CACNA2D1: variants seen among roughly 807,000 people sequenced by gnomAD.
CACNA2D1 encodes voltage-dependent calcium channel subunit alpha-2/delta-1.
CACNA2D1 carries 53 observed loss-of-function variants against 171.5 expected under a neutral mutation model. The observed-to-expected ratio is 0.31, with a 90% CI of 0.25 to 0.39. The LOEUF (loss-of-function observed/expected upper bound fraction) is 0.39. Ranked by LOEUF, CACNA2D1 falls within the 10% of genes least tolerant of loss-of-function variation. CACNA2D1 has a pLI of 1.00. For missense variants in CACNA2D1, 903 were observed against 1,299.8 expected, an observed-to-expected ratio of 0.69 and a Z score of 4.69; for synonymous variants, 442 against 443.1, an observed-to-expected ratio of 1.00 and a Z score of 0.03.
chr7:82,424,681 ATTC>A (rs1308662734), intron 1 of CACNA2D1, among the ~76,000 whole-genome samples: 3 of 152,236 alleles, frequency 2.0e-5, no homozygotes, highest in South Asian at 4.1e-4. Flanking sequence ...AGCAAAGAGA[ATTC>A]TTCTTTGCAG....
intron 3 of CACNA2D1, among the ~76,000 whole-genome samples, chr7:82,184,859 C>T (rs2129175329): frequency 6.6e-6 from 1 of 152,290 alleles, no homozygotes; most frequent in South Asian, 2.1e-4. Flanking sequence ...TATATTTTCA[C>T]TACTTACTCT....
chr7:82,438,717 G>T (rs1282635858), intron 1 of CACNA2D1, among the ~76,000 whole-genome samples: 1 of 152,180 alleles, frequency 6.6e-6, no homozygotes, highest in Non-Finnish European at 1.5e-5. Context: ...GGTTGACACA[G>T]TTAGTGACAC....
intron 30 of CACNA2D1, 59 bp from the exon 31 acceptor site, chr7:81,967,266 ATTAC>A: frequency 7.9e-7 from 1 of 1,265,082 alleles, no homozygotes; most frequent in Non-Finnish European, 1.2e-6. Context: ...TAATTATATT[ATTAC>A]CATGTTATAA....
intron 5 of CACNA2D1, among the ~76,000 whole-genome samples, chr7:82,135,259 T>C (rs1283755432): frequency 6.6e-6 from 1 of 152,094 alleles, no homozygotes; most frequent in African/African-American, 2.4e-5. Flanking sequence ...AGATTTTGTA[T>C]ATATTTTTAA....
At chr7:82,428,467 A>G (rs1390522296) in intron 1 of CACNA2D1, among the ~76,000 whole-genome samples, 1 of 152,112 alleles carries the variant, frequency 6.6e-6, no homozygotes, top group Non-Finnish European at 1.5e-5. Context: ...CATTCCAGAG[A>G]TTTTCCCCTA....
At chr7:82,012,496 A>G (rs1010940426) in intron 14 of CACNA2D1, among the ~76,000 whole-genome samples, 2 of 152,148 alleles carry the variant, frequency 1.3e-5, no homozygotes, top group African/African-American at 4.8e-5. Context: ...AGTAACAATC[A>G]GAGCATTGTT....
At chr7:82,203,024 A>T (rs903553325) in intron 3 of CACNA2D1, among the ~76,000 whole-genome samples, 6 of 152,140 alleles carry the variant, frequency 3.9e-5, no homozygotes, top group African/African-American at 1.4e-4. Flanking sequence ...CGGGAGAAGG[A>T]CATTGCTGTG....
rs199625938 is a variant in CACNA2D1 at position 81,970,626 on chromosome 7, C to T, written c.2204+49G>A. On this transcript the variant is annotated intron_variant, in intron 27 of 38. Transcript: ENST00000356860. ...TAAGCAGTAATGTACAAATCCTTGG[C>T]GCAGTCTTTTGTAATGTACTTGTTT... 8.6e-5 allele frequency: 83 copies of T among 968,478 alleles called. No individual in the cohort carries two copies. In the East Asian group the frequency reaches 1.5e-3, roughly 18 times the overall value. The allele number at this position is 968,478 out of a possible 1,614,324, so 60.0% of individuals were successfully genotyped here. A position where few individuals can be genotyped will look rare whatever the true frequency, so the allele number is the denominator to read the frequency against.
At chr7:82,372,333 C>T (rs1822506218) in intron 1 of CACNA2D1, among the ~76,000 whole-genome samples, 1 of 151,972 alleles carries the variant, frequency 6.6e-6, no homozygotes, top group Admixed American at 6.6e-5. Flanking sequence ...ATATAGCAAA[C>T]AAAAATATTA....
chr7:82,054,150 T>A (rs180721425), intron 10 of CACNA2D1, among the ~76,000 whole-genome samples: 1 of 152,350 alleles, frequency 6.6e-6, no homozygotes, highest in East Asian at 1.9e-4. Context: ...GAAATAAATG[T>A]TAGTTGCTGA....
intron 1 of CACNA2D1, among the ~76,000 whole-genome samples, chr7:82,422,506 G>A (rs1220752317): frequency 6.6e-6 from 1 of 152,116 alleles, no homozygotes; most frequent in Non-Finnish European, 1.5e-5. Context: ...GGGAGATGCA[G>A]CATCTTTGTA....
intron 38 of CACNA2D1, among the ~76,000 whole-genome samples, chr7:81,953,887 T>C (rs1792897792): frequency 6.6e-6 from 1 of 152,162 alleles, no homozygotes; most frequent in South Asian, 2.1e-4. Flanking sequence ...TTTATTTTTA[T>C]ATATAATTTT....
intron 36 of CACNA2D1, among the ~76,000 whole-genome samples, chr7:81,961,035 T>A (rs999644755): frequency 6.1e-5 from 9 of 148,724 alleles, no homozygotes; most frequent in Non-Finnish European, 9.0e-5. Context: ...TCTTGCAAAA[T>A]TTTTTTTTTT....
chr7:82,159,591 G>A (rs1794727636), intron 4 of CACNA2D1, among the ~76,000 whole-genome samples: 1 of 151,576 alleles, frequency 6.6e-6, no homozygotes, highest in Non-Finnish European at 1.5e-5. Context: ...TTACAGATCT[G>A]TTCTTCAAAA....
At chr7:82,328,468 A>G (rs1272966241) in intron 3 of CACNA2D1, among the ~76,000 whole-genome samples, 1 of 151,986 alleles carries the variant, frequency 6.6e-6, no homozygotes, top group Admixed American at 6.5e-5. Flanking sequence ...ACCTTTTCTT[A>G]CTTTGCTCTC....
chr7:81,995,302 A>G (rs1797929431), intron 19 of CACNA2D1, among the ~76,000 whole-genome samples: 1 of 152,200 alleles, frequency 6.6e-6, no homozygotes, highest in South Asian at 2.1e-4. Flanking sequence ...ATAACACGGA[A>G]TGCTTCAAAT....
chr7:82,398,125 T>C (rs775951528), intron 1 of CACNA2D1, among the ~76,000 whole-genome samples: 2 of 152,194 alleles, frequency 1.3e-5, no homozygotes, highest in Non-Finnish European at 2.9e-5. Flanking sequence ...TGTATGATGC[T>C]AAGATTAAAC....
intron 3 of CACNA2D1, among the ~76,000 whole-genome samples, chr7:82,240,515 T>C (rs1276096476): frequency 6.6e-6 from 1 of 152,202 alleles, no homozygotes; most frequent in East Asian, 1.9e-4. Context: ...TCTCAAAGTT[T>C]AGAGGCAAAT....
chr7:82,309,656 T>C (rs1435449735), intron 3 of CACNA2D1, among the ~76,000 whole-genome samples: 4 of 152,170 alleles, frequency 2.6e-5, no homozygotes, highest in Non-Finnish European at 5.9e-5. Context: ...AGCTTCTATC[T>C]TTGGTTTTGA....
Sources: allele counts gnomAD v4.1 joint callset (sites outside exome capture counted in the v4.1 genomes callset), GRCh38; gene constraint gnomAD v4.1.1; transcripts MANE v1.5; gene names NCBI Gene and HGNC (gene_info 2026-07-23, HGNC 2026-07-21).